PLXDC2: variants seen among roughly 807,000 people sequenced by gnomAD.
PLXDC2 encodes plexin domain-containing protein 2.
PLXDC2 carries 40 observed loss-of-function variants against 68.9 expected under a neutral mutation model. The ratio of observed to expected loss-of-function variants is 0.58; its 90% confidence interval spans 0.45 to 0.76. The LOEUF (loss-of-function observed/expected upper bound fraction) is 0.76. Ranked by LOEUF, PLXDC2 falls within the 30% of genes least tolerant of loss-of-function variation. The pLI, the probability that PLXDC2 is intolerant of heterozygous loss-of-function variation, is 0.00. For missense variants in PLXDC2, 644 were observed against 661.9 expected (o/e 0.97, Z 0.30); for synonymous variants, 243 against 234.2 (o/e 1.04, Z -0.34).
chr10:20,051,046 A>G (rs1056750919), intron 3 of PLXDC2, among the ~76,000 whole-genome samples: 17 of 152,146 alleles, frequency 1.1e-4, no homozygotes, highest in African/African-American at 3.9e-4. Flanking sequence ...ATGGAATACT[A>G]TGCAGCCATA....
chr10:20,229,482 C>T (rs1002358909), intron 12 of PLXDC2, among the ~76,000 whole-genome samples: 5 of 125,766 alleles, frequency 4.0e-5, no homozygotes, highest in Admixed American at 9.7e-5. Context: ...ATTAGCCATG[C>T]GTATTACTCA....
rs7919215 is a variant in PLXDC2, at chr10:20,140,019, G to A, written c.542-3276G>A. Among the ~76,000 whole-genome samples the A allele has an allele frequency of 3.0e-3, 464 of 152,144 alleles. 2 individuals carry two copies. Among genetic ancestry groups the A allele is most frequent in the African/African-American group, 7.2e-3 (300 of 41,516 alleles). On this transcript the variant is annotated intron_variant, in intron 4 of 13. Transcript: ENST00000377252. ...GAAGTATAATAATAAAAATTAAAAC[G>A]GCCAGGCGTGGTGGCACACGCCTGT...
At chr10:20,000,746 G>T (rs1834921344) in intron 1 of PLXDC2, among the ~76,000 whole-genome samples, 1 of 152,032 alleles carries the variant, frequency 6.6e-6, no homozygotes, top group Admixed American at 6.6e-5. Flanking sequence ...AATACATTTT[G>T]GTTTCTTAGA....
chr10:20,242,941 A>G (rs1835536885), intron 12 of PLXDC2, among the ~76,000 whole-genome samples: 1 of 151,934 alleles, frequency 6.6e-6, no homozygotes, highest in Admixed American at 6.6e-5. Context: ...CAAACTCCTG[A>G]CCTCAGGTGA....
At chr10:20,147,268 A>G (rs892381854) in intron 5 of PLXDC2, among the ~76,000 whole-genome samples, 19 of 152,316 alleles carry the variant, frequency 1.2e-4, no homozygotes, top group African/African-American at 4.3e-4. Flanking sequence ...CAGAAATACA[A>G]GCATTGTGAA....
At chr10:20,249,890 G>A (rs76690015) in intron 13 of PLXDC2, among the ~76,000 whole-genome samples, 37,621 of 151,966 alleles carry the variant, frequency 0.25, 4,830 homozygotes, top group African/African-American at 0.31. Flanking sequence ...GATATCTTGA[G>A]TATTTCACAG....
chr10:20,191,778 C>T (rs1834768990), intron 9 of PLXDC2, among the ~76,000 whole-genome samples: 3 of 151,926 alleles, frequency 2.0e-5, no homozygotes, highest in Admixed American at 1.3e-4. Flanking sequence ...GCACGTTGTG[C>T]ACATGTACCC....
intron 1 of PLXDC2, among the ~76,000 whole-genome samples, chr10:20,000,788 G>C (rs1027662195): frequency 6.6e-5 from 10 of 152,174 alleles, no homozygotes; most frequent in African/African-American, 2.2e-4. Flanking sequence ...CATAATGGCT[G>C]TAATTAAATC....
At chr10:19,900,673 G>T (rs1838143367) in intron 1 of PLXDC2, among the ~76,000 whole-genome samples, 2 of 151,772 alleles carry the variant, frequency 1.3e-5, no homozygotes, top group Non-Finnish European at 2.9e-5. Flanking sequence ...AAGTTCTTTA[G>T]TGGTGATTTC....
chr10:20,149,214 C>CTT (rs71200985), intron 6 of PLXDC2, among the ~76,000 whole-genome samples: 17 of 112,376 alleles, frequency 1.5e-4, no homozygotes, highest in East Asian at 2.6e-4. Flanking sequence ...ATTTTTCTTT[C>CTT]TTTTTTTTTC....
At chr10:20,003,213 G>A (rs549666418) in intron 2 of PLXDC2, among the ~76,000 whole-genome samples, 1 of 152,154 alleles carries the variant, frequency 6.6e-6, no homozygotes, top group East Asian at 1.9e-4. Context: ...AGTAAACTTG[G>A]GCAAAAAAGC....
rs1278722342 is a variant in PLXDC2 at position 20,177,036 on chromosome 10, A to T, written c.921A>T (p.Val307=). 6.2e-7 allele frequency: 1 copy of T among 1,611,968 alleles called. No homozygotes were observed. The highest frequency in any genetic ancestry group is 1.3e-5 in the African/African-American group (1 of 74,960). ...RRRTIYEYHR[V]ELQMSKITNI... is the part of the protein sequence containing the mutation. ...GAACAATTTATGAATACCACCGAGT[A>T]GAGCTACAAATGTCAAAAATTACCA... Residue 307 remains valine, a synonymous_variant, in exon 8 of 14, where the codon GTA becomes GTT. Coordinates refer to ENST00000377252, the MANE Select transcript of PLXDC2 (RefSeq NM_032812.9).
chr10:19,842,544 T>C (rs965267160), intron 1 of PLXDC2, among the ~76,000 whole-genome samples: 4 of 152,188 alleles, frequency 2.6e-5, no homozygotes, highest in Non-Finnish European at 5.9e-5. Context: ...ACCTTGATCA[T>C]TTAACCACCT....
intron 1 of PLXDC2, among the ~76,000 whole-genome samples, chr10:19,862,099 T>A (rs1010296447): frequency 6.6e-6 from 1 of 152,222 alleles, no homozygotes; most frequent in Non-Finnish European, 1.5e-5. Context: ...GTAGAACTTA[T>A]AGTGGCAAGT....
intron 1 of PLXDC2, among the ~76,000 whole-genome samples, chr10:19,921,365 A>G (rs1190091355): frequency 6.6e-6 from 1 of 152,188 alleles, no homozygotes; most frequent in African/African-American, 2.4e-5. Flanking sequence ...ATGATTTTGT[A>G]GATGTTTCAG....
At chr10:20,081,314 A>G (rs1221724268) in intron 4 of PLXDC2, among the ~76,000 whole-genome samples, 2 of 152,186 alleles carry the variant, frequency 1.3e-5, no homozygotes, top group Non-Finnish European at 2.9e-5. Flanking sequence ...GGGAAAAACT[A>G]TTCCACTAGA....
intron 9 of PLXDC2, among the ~76,000 whole-genome samples, chr10:20,200,434 T>G (rs935593616): frequency 1.1e-4 from 17 of 152,090 alleles, no homozygotes; most frequent in African/African-American, 3.9e-4. Flanking sequence ...ATGACATAAG[T>G]AATCTCATAT....
chr10:19,844,623 T>C (rs1341758798), intron 1 of PLXDC2, among the ~76,000 whole-genome samples: 1 of 151,766 alleles, frequency 6.6e-6, no homozygotes, highest in Non-Finnish European at 1.5e-5. Flanking sequence ...CTTTTTGAGG[T>C]AGGGCTCTGT....
intron 1 of PLXDC2, among the ~76,000 whole-genome samples, chr10:19,977,910 T>G (rs951168168): frequency 3.1e-4 from 47 of 152,254 alleles, no homozygotes; most frequent in South Asian, 2.1e-4. Flanking sequence ...TCTTGAAAAA[T>G]GTAAACATTT....
Sources: allele counts gnomAD v4.1 joint callset (sites outside exome capture counted in the v4.1 genomes callset), GRCh38; gene constraint gnomAD v4.1.1; transcripts MANE v1.5; gene names NCBI Gene and HGNC (gene_info 2026-07-23, HGNC 2026-07-21).